IMMP2L: variants seen among roughly 807,000 people sequenced by gnomAD.
IMMP2L encodes the protein inner mitochondrial membrane peptidase subunit 2, also known as mitochondrial inner membrane protease subunit 2.
Under a neutral mutation model 19.3 loss-of-function variants are expected in IMMP2L, and 18 were observed. The observed-to-expected ratio is 0.93, with a 90% CI of 0.64 to 1.38. IMMP2L has a LOEUF of 1.38. IMMP2L is among the 40% of genes most tolerant of loss of function. IMMP2L has a pLI of 0.00. For synonymous variants in IMMP2L, 76 were observed against 73.0 expected (o/e 1.04, Z -0.21); for missense variants, 233 against 218.2 (o/e 1.07, Z -0.43).
At position 110,996,579 on chromosome 7, in the gene IMMP2L, T is replaced by C. The variant is rs532378228; in HGVS notation, c.240-33014A>G. Among the ~76,000 whole-genome samples, 10 of 152,242 alleles carry C rather than the reference T, an allele frequency of 6.6e-5. No homozygotes were observed. The South Asian group carries it at 1.5e-3, about 22-fold the overall frequency. On this transcript the variant is annotated intron_variant, in intron 3 of 5. Coordinates refer to ENST00000405709, the MANE Select transcript of IMMP2L (RefSeq NM_032549.4). ...CTTGTGATCACTGACTCAGGGACCA[T>C]ATGAAAGAGAACCAGATTAGCAATC...
chr7:110,738,316 C>T (rs1046626295), intron 5 of IMMP2L, among the ~76,000 whole-genome samples: 1 of 152,064 alleles, frequency 6.6e-6, no homozygotes, highest in African/African-American at 2.4e-5. Flanking sequence ...ACACATTATA[C>T]AGGATATGAA....
chr7:111,288,809 CACTGTTGG>C (rs1414652688), intron 3 of IMMP2L, among the ~76,000 whole-genome samples: 2 of 152,130 alleles, frequency 1.3e-5, no homozygotes, highest in African/African-American at 2.4e-5. Flanking sequence ...AACGCTTTTA[CACTGTTGG>C]TGGGAGTGTA....
At chr7:111,434,998 C>A (rs1837009674) in intron 3 of IMMP2L, among the ~76,000 whole-genome samples, 1 of 151,842 alleles carries the variant, frequency 6.6e-6, no homozygotes, top group South Asian at 2.1e-4. Flanking sequence ...CATCTTTCAC[C>A]AGTCAGAATG....
chr7:111,120,623 T>G (rs998402248), intron 3 of IMMP2L, among the ~76,000 whole-genome samples: 8 of 152,100 alleles, frequency 5.3e-5, no homozygotes, highest in Non-Finnish European at 5.9e-5. Context: ...CAGGGAAAAA[T>G]AAAACAGCCA....
chr7:111,557,061 C>T (rs1791449373), intron 1 of IMMP2L, among the ~76,000 whole-genome samples: 1 of 152,144 alleles, frequency 6.6e-6, no homozygotes, highest in Admixed American at 6.5e-5. Context: ...CTTTTACATT[C>T]AAACAGTCAC....
chr7:111,134,683 C>A (rs1053849230), intron 3 of IMMP2L, among the ~76,000 whole-genome samples: 1 of 151,938 alleles, frequency 6.6e-6, no homozygotes, highest in South Asian at 2.1e-4. Flanking sequence ...TTTTTCAATT[C>A]TTCAATAATG....
chr7:111,345,813 C>T (rs1827480214), intron 3 of IMMP2L, among the ~76,000 whole-genome samples: 1 of 152,138 alleles, frequency 6.6e-6, no homozygotes, highest in Non-Finnish European at 1.5e-5. Flanking sequence ...TAAGGCAGCT[C>T]TGTTATGGAA....
chr7:110,814,805 G>A (rs2131292889), intron 5 of IMMP2L, among the ~76,000 whole-genome samples: 1 of 151,388 alleles, frequency 6.6e-6, no homozygotes, highest in South Asian at 2.1e-4. Flanking sequence ...GGTATTTTAA[G>A]TATAAAATAA....
At chr7:110,857,898 CCACTCAGCATTA>C (rs1806968155) in intron 5 of IMMP2L, among the ~76,000 whole-genome samples, 1 of 152,024 alleles carries the variant, frequency 6.6e-6, no homozygotes, top group African/African-American at 2.4e-5. Flanking sequence ...TGCTAGTACA[CCACTCAGCATTA>C]ACTCCATCGC....
chr7:111,363,790 T>C (rs1224120085), intron 3 of IMMP2L, among the ~76,000 whole-genome samples: 1 of 152,088 alleles, frequency 6.6e-6, no homozygotes, highest in Non-Finnish European at 1.5e-5. Flanking sequence ...CCTATTGACC[T>C]CTCTAGCCTC....
intron 3 of IMMP2L, among the ~76,000 whole-genome samples, chr7:111,034,308 T>A (rs183170794): frequency 6.6e-6 from 1 of 152,182 alleles, no homozygotes; most frequent in Admixed American, 6.5e-5. Flanking sequence ...AAGACAGACA[T>A]GTACACAATC....
chr7:110,807,494 T>C (rs1801714843), intron 5 of IMMP2L, among the ~76,000 whole-genome samples: 1 of 152,046 alleles, frequency 6.6e-6, no homozygotes, highest in Admixed American at 6.6e-5. Flanking sequence ...ACCTTTTCTC[T>C]AGTCACCCAA....
At chr7:110,954,160 C>G (rs766280421) in intron 4 of IMMP2L, among the ~76,000 whole-genome samples, 1 of 152,028 alleles carries the variant, frequency 6.6e-6, no homozygotes, top group Non-Finnish European at 1.5e-5. Context: ...ACTAAGCACA[C>G]ATTATTTTTG....
At chr7:111,534,612 AAATT>A (rs1044167622) in intron 1 of IMMP2L, among the ~76,000 whole-genome samples, 4 of 152,206 alleles carry the variant, frequency 2.6e-5, no homozygotes, top group African/African-American at 4.8e-5. Context: ...TACTAAAACA[AAATT>A]AATATTACAG....
intron 5 of IMMP2L, among the ~76,000 whole-genome samples, chr7:110,689,331 C>G (rs576763803): frequency 7.9e-5 from 12 of 152,118 alleles, no homozygotes; most frequent in Non-Finnish European, 1.8e-4. Flanking sequence ...GAGTAGTATG[C>G]ACATGTTATT....
intron 1 of IMMP2L, among the ~76,000 whole-genome samples, chr7:111,525,776 A>G (rs1846781689): frequency 6.6e-6 from 1 of 152,148 alleles, no homozygotes; most frequent in Admixed American, 6.6e-5. Flanking sequence ...AATTATGCTC[A>G]TAATTCCATT....
At chr7:111,447,314 C>T (rs1225820783) in intron 3 of IMMP2L, among the ~76,000 whole-genome samples, 3 of 114,150 alleles carry the variant, frequency 2.6e-5, no homozygotes, top group African/African-American at 1.2e-4. Context: ...AGAGAAAGGT[C>T]GGATTACCCT....
chr7:111,453,934 G>T (rs28489091), intron 3 of IMMP2L, among the ~76,000 whole-genome samples: 2 of 152,076 alleles, frequency 1.3e-5, no homozygotes. Context: ...TTAAATACCA[G>T]ACTTTCAAAT....
chr7:111,125,508 T>C (rs1458916624), intron 3 of IMMP2L: 7 of 166,074 alleles, frequency 4.2e-5, no homozygotes, highest in African/African-American at 1.7e-4. Context: ...GGTGTTTTTC[T>C]ATAATGAAAT....
Sources: gnomAD v4.1 joint callset for allele counts (sites outside exome capture counted in the v4.1 genomes callset) on GRCh38, gnomAD v4.1.1 for gene constraint, MANE v1.5 for transcripts, NCBI Gene and HGNC (gene_info 2026-07-23, HGNC 2026-07-21) for gene names.